EDA: variants seen among roughly 807,000 people sequenced by gnomAD.
The protein encoded by EDA is ectodysplasin-A.
EDA carries 2 observed loss-of-function variants against 23.6 expected under a neutral mutation model. The ratio of observed to expected loss-of-function variants is 0.08; its 90% CI spans 0.03 to 0.27. The LOEUF is 0.27. Ranked by LOEUF, EDA falls within the 10% of genes least tolerant of loss-of-function variation. The pLI is 1.00. For missense variants in EDA, 229 were observed against 324.2 expected (o/e 0.71, Z 2.26); for synonymous variants, 131 against 132.0 (o/e 0.99, Z 0.05).
Position 70,038,355 on chromosome X carries a change from T to C in EDA, c.*2746T>C, listed in dbSNP as rs1482290078. The C allele has an allele frequency of 9.0e-6, 1 of 111,071 alleles. No individual in the cohort carries two copies. The highest frequency in any genetic ancestry group is 2.8e-4 in the East Asian group (1 of 3,520). The allele number at this position is 111,071 out of a possible 1,213,427, so 9.2% of individuals were successfully genotyped here. A position where few individuals can be genotyped will look rare whatever the true frequency, so the allele number is the denominator to read the frequency against. On this transcript the variant is annotated 3_prime_UTR_variant, in exon 8 of 8. Coordinates refer to ENST00000374552, the MANE Select transcript of EDA (RefSeq NM_001399.5). The stretch of plus-strand genomic sequence containing the variant: ...GCTGGGGAGCCCTATTGCTGCTAAG[T>C]CATTGGCAAAGTGACAAAGCAATTT...
At chrX:69,629,327 T>G (rs1482690384) in intron 1 of EDA, among the ~76,000 whole-genome samples, 1 of 111,822 alleles carries the variant, frequency 8.9e-6, no homozygotes, top group Non-Finnish European at 1.9e-5. Flanking sequence ...TTGTGTGCAT[T>G]CTTCCTTGCC....
In EDA at chrX:70,037,331, G is replaced by A. The variant is rs2020280317; in HGVS notation, c.*1722G>A. 8.9e-6 allele frequency: 1 copy of A among 111,836 alleles called. No homozygotes were observed. The highest frequency in any genetic ancestry group is 3.8e-4 in the South Asian group (1 of 2,616). 9.2% of individuals were successfully genotyped at this position (111,836 alleles called of 1,213,427 possible). ...TGATGGGCTAGGCCTCCGTTGTCTG[G>A]TTGCTAATGACAGCCTTGCAACCCA... On this transcript the variant is annotated 3_prime_UTR_variant, in exon 8 of 8. Transcript: ENST00000374552.
intron 1 of EDA, among the ~76,000 whole-genome samples, chrX:69,890,908 A>T (rs2017917196): frequency 8.9e-6 from 1 of 111,936 alleles, no homozygotes; most frequent in African/African-American, 3.2e-5. Context: ...AATTAAACTA[A>T]AGAGCTTCTG....
At chrX:69,736,491 G>A (rs1002323360) in intron 1 of EDA, among the ~76,000 whole-genome samples, 207 of 109,061 alleles carry the variant, frequency 1.9e-3, no homozygotes, top group Non-Finnish European at 3.1e-3. Flanking sequence ...CACCATGCCT[G>A]GCTAATTCTG....
At chrX:69,758,413 T>A (rs2804389) in intron 1 of EDA, among the ~76,000 whole-genome samples, 33,536 of 111,352 alleles carry the variant, frequency 0.3, 4,867 homozygotes, top group Middle Eastern at 0.55. Context: ...TTTATGTCCT[T>A]ATAGAATTTA....
intron 6 of EDA, among the ~76,000 whole-genome samples, chrX:70,032,836 C>G (rs1263341415): frequency 8.9e-6 from 1 of 112,139 alleles, no homozygotes; most frequent in Non-Finnish European, 1.9e-5. Flanking sequence ...TCTCTAATCC[C>G]TAAGGTTCTC....
intron 1 of EDA, among the ~76,000 whole-genome samples, chrX:69,942,967 A>G (rs969093255): frequency 1.1e-4 from 12 of 110,368 alleles, no homozygotes; most frequent in African/African-American, 4.0e-4. Flanking sequence ...TGCTTGATCA[A>G]TTCTGCTAGT....
intron 1 of EDA, among the ~76,000 whole-genome samples, chrX:69,677,857 T>G (rs1205605359): frequency 8.9e-6 from 1 of 112,187 alleles, no homozygotes; most frequent in Non-Finnish European, 1.9e-5. Context: ...TGGCTTTTGT[T>G]GCCATTGCTT....
At chrX:69,842,234 A>G (rs1321577143) in intron 1 of EDA, among the ~76,000 whole-genome samples, 1 of 111,705 alleles carries the variant, frequency 9.0e-6, no homozygotes, top group African/African-American at 3.3e-5. Context: ...CGAGGGATCT[A>G]GGTTGCGTGC....
intron 1 of EDA, among the ~76,000 whole-genome samples, chrX:69,785,776 C>A (rs1217530922): frequency 4.7e-5 from 5 of 105,508 alleles, no homozygotes; most frequent in African/African-American, 6.8e-5. Context: ...TGTCTCTGCC[C>A]GGCTTTGGTA....
intron 1 of EDA, among the ~76,000 whole-genome samples, chrX:69,866,422 A>C (rs994850753): frequency 2.7e-5 from 3 of 111,228 alleles, no homozygotes; most frequent in African/African-American, 9.8e-5. Context: ...CTTAACTTCC[A>C]GTTTAATGGA....
At chrX:69,670,929 G>T (rs950984110) in intron 1 of EDA, among the ~76,000 whole-genome samples, 3 of 111,358 alleles carry the variant, frequency 2.7e-5, no homozygotes, top group Admixed American at 9.6e-5. Context: ...TTTATTTGGG[G>T]TTAATTATTG....
chrX:69,690,894 A>G (rs1380854368), intron 1 of EDA, among the ~76,000 whole-genome samples: 3 of 111,579 alleles, frequency 2.7e-5, no homozygotes, highest in Non-Finnish European at 5.7e-5. Context: ...ATTTCATCTA[A>G]GTTATATAAT....
chrX:69,779,253 TAGCCAAA>T (rs2014872110), intron 1 of EDA, among the ~76,000 whole-genome samples: 1 of 111,757 alleles, frequency 8.9e-6, no homozygotes, highest in Non-Finnish European at 1.9e-5. Context: ...TTATTCTCAA[TAGCCAAA>T]AGCTGAAAAC....
chrX:69,822,334 A>G (rs2016247712), intron 1 of EDA, among the ~76,000 whole-genome samples: 1 of 111,079 alleles, frequency 9.0e-6, no homozygotes, highest in African/African-American at 3.3e-5. Context: ...TTTACCTTCA[A>G]AAGTTTGTAG....
At chrX:69,875,817 CAT>C (rs762777389) in intron 1 of EDA, among the ~76,000 whole-genome samples, 7 of 111,072 alleles carry the variant, frequency 6.3e-5, no homozygotes, top group South Asian at 7.7e-4. Flanking sequence ...CCCATCAAAA[CAT>C]AGGCTAAGGA....
rs1373932004 is a variant in EDA, at chrX:70,037,211, A to T, written c.*1602A>T. 1 of 112,236 alleles carries T rather than the reference A, an allele frequency of 8.9e-6. No homozygotes were observed. Among genetic ancestry groups the T allele is most frequent in the Non-Finnish European group, 1.9e-5 (1 of 53,256 alleles). The allele number at this position is 112,236 out of a possible 1,213,427, so 9.2% of individuals were successfully genotyped here. A position where few individuals can be genotyped will look rare whatever the true frequency, so the allele number is the denominator to read the frequency against. On this transcript the variant is annotated 3_prime_UTR_variant, in exon 8 of 8. Transcript: ENST00000374552. Reference sequence around the variant, plus strand: ...GGGAATAATTTCCTTCAGGCAGCTGAAATTCACCAAGAACAGCGGGTACTT... The same window carrying T: ...GGGAATAATTTCCTTCAGGCAGCTGTAATTCACCAAGAACAGCGGGTACTT...
chrX:69,786,321 G>T (rs1396366621), intron 1 of EDA, among the ~76,000 whole-genome samples: 1 of 108,247 alleles, frequency 9.2e-6, no homozygotes, highest in Non-Finnish European at 1.9e-5. Flanking sequence ...GTTATTTTTT[G>T]CCTTCTGCTA....
intron 2 of EDA, among the ~76,000 whole-genome samples, chrX:69,968,419 G>A: frequency 8.9e-6 from 1 of 111,925 alleles, no homozygotes; most frequent in Non-Finnish European, 1.9e-5. Flanking sequence ...AATCCCCTAG[G>A]TTTGCTGGCT....
Sources: allele counts gnomAD v4.1 joint callset (sites outside exome capture counted in the v4.1 genomes callset), GRCh38; gene constraint gnomAD v4.1.1; transcripts MANE v1.5; gene names NCBI Gene and HGNC (gene_info 2026-07-23, HGNC 2026-07-21).